The following TBCCD1 variants were observed in gnomAD, a reference collection of about 807,000 sequenced individuals.
TBCCD1 encodes TBCC domain containing 1.
A neutral mutation model predicts 53.4 loss-of-function variants in TBCCD1; 26 were observed. That is an observed-to-expected ratio of 0.49 (90% CI 0.36 to 0.68). TBCCD1 has a LOEUF of 0.68. Among genes scored for constraint, TBCCD1 ranks in the 30% least tolerant of loss-of-function variants. The probability of loss-of-function intolerance (pLI) is 0.00; values close to 1 mark genes in which losing one functional copy is unlikely to be tolerated. For synonymous variants in TBCCD1, 245 were observed against 241.7 expected, an observed-to-expected ratio of 1.01 and a Z score of -0.13; for missense variants, 558 against 669.5, an observed-to-expected ratio of 0.83 and a Z score of 1.84.
chr3:186,548,471 T>C (rs1714275638), intron 7 of TBCCD1, among the ~76,000 whole-genome samples: 1 of 152,234 alleles, frequency 6.6e-6, no homozygotes, highest in Non-Finnish European at 1.5e-5. Flanking sequence ...CTTCTGAATA[T>C]ACTTAAAAGC....
Position 186,556,540 on chromosome 3 carries a change from C to A in TBCCD1, c.728G>T (p.Gly243Val), listed in dbSNP as rs144614900. The A allele has an allele frequency of 4.0e-5, 64 of 1,613,500 alleles. No individual in the cohort carries two copies. Among genetic ancestry groups the A allele is most frequent in the Non-Finnish European group, 5.3e-5 (62 of 1,179,918 alleles). The stretch of plus-strand genomic sequence containing the variant: ...GAAAGTCTTAGAGATCTTTGAGAAG[C>A]CACTATCTGCATGCAGTGGTTGCCA... ...ALWQPLHADS[G>V]FSKISKTFSF... Residue 243 changes from glycine (G) to valine (V), a missense_variant, in exon 4 of 8, where the codon GGC (glycine) becomes GTC (valine). Gly to Val is a moderately radical substitution (Grantham distance 109). Transcript: ENST00000338733.
chr3:186,563,933 A>AT (rs1228531860), intron 2 of TBCCD1, 61 bp downstream of exon 2: 1 of 1,488,086 alleles, frequency 6.7e-7, no homozygotes, highest in Non-Finnish European at 8.9e-7. Context: ...ACATTTTTTA[A>AT]TTTAAAAAAG....
At chr3:186,564,629 T>C (rs1405933942) in intron 1 of TBCCD1, among the ~76,000 whole-genome samples, 7 of 152,162 alleles carry the variant, frequency 4.6e-5, no homozygotes, top group African/African-American at 1.7e-4. Flanking sequence ...TGTGTGTAGA[T>C]GCATGAAGTC....
At chr3:186,556,084 T>C (rs1560225917) in intron 4 of TBCCD1, among the ~76,000 whole-genome samples, 1 of 152,204 alleles carries the variant, frequency 6.6e-6, no homozygotes, top group Non-Finnish European at 1.5e-5. Flanking sequence ...ATTATTCTTC[T>C]TCTTTTAAAA....
rs367607995 is a variant in TBCCD1 at position 186,564,142 on chromosome 3, C to T, written c.188G>A (p.Gly63Glu). The T allele has an allele frequency of 1.5e-5, 24 of 1,614,186 alleles. No individual in the cohort carries two copies. The East Asian group carries it at 4.2e-4, about 28-fold the overall frequency. ...CAGGTCCTTGGCCAACTGCAGCTTC[C>T]CACAAGCGATGTGCCTCCATGTAGA... is the stretch of plus-strand genomic sequence containing the variant. ...YWSTWRHIAC[G>E]KLQLAKDLAW... Residue 63 changes from glycine to glutamate, a missense_variant, in exon 2 of 8, where the codon GGG becomes GAG. By Grantham distance (98) the Gly-to-Glu change is moderately conservative. Transcript: ENST00000338733.
At chr3:186,556,306 T>C in intron 4 of TBCCD1, 103 bp downstream of exon 4, 2 of 1,348,490 alleles carry the variant, frequency 1.5e-6, no homozygotes, top group African/African-American at 1.5e-5. Context: ...AGCAGTATTT[T>C]TTAGGTCTTC....
At chr3:186,551,416 T>C in intron 6 of TBCCD1, 137 bp from the exon 7 acceptor site, 4 of 902,226 alleles carry the variant, frequency 4.4e-6, no homozygotes, top group Non-Finnish European at 6.6e-6. Flanking sequence ...TTCTCACTGT[T>C]CAGAGTACAC....
chr3:186,551,683 A>G (rs1714386309), intron 6 of TBCCD1, among the ~76,000 whole-genome samples: 1 of 152,238 alleles, frequency 6.6e-6, no homozygotes, highest in Non-Finnish European at 1.5e-5. Context: ...AGGTAAAAAT[A>G]AAATAAATAG....
At chr3:186,558,596 T>C (rs1056928552) in intron 2 of TBCCD1, 24 bp from the exon 3 acceptor site, 4 of 1,608,334 alleles carry the variant, frequency 2.5e-6, no homozygotes, top group Non-Finnish European at 3.4e-6. Flanking sequence ...AAATAAAAGA[T>C]GAATAGACGT....
intron 3 of TBCCD1, 79 bp downstream of exon 3, chr3:186,558,337 AT>A (rs1456927387): frequency 5.3e-6 from 8 of 1,498,514 alleles, no homozygotes; most frequent in Non-Finnish European, 7.2e-6. Flanking sequence ...AAGAAATCTC[AT>A]CATAATTTTT....
Position 186,564,384 on chromosome 3 carries a change from A to T in TBCCD1, c.-43-12T>A. ...GCTTCTTTGCATACCTAGGAAACAA[A>T]GTTTCTTCATAAACTGATTTGAAAC... On this transcript the variant is annotated splice_polypyrimidine_tract_variant and intron_variant, in intron 1 of 7. Transcript: ENST00000338733. The T allele has an allele frequency of 6.7e-7, 1 of 1,493,788 alleles. No homozygotes were observed. The highest frequency in any genetic ancestry group is 1.4e-5 in the African/African-American group (1 of 71,322). The allele number at this position is 1,493,788 out of a possible 1,614,324, so 92.5% of individuals were successfully genotyped here.
At chr3:186,553,788 C>A (rs1714443478) in intron 6 of TBCCD1, among the ~76,000 whole-genome samples, 1 of 152,198 alleles carries the variant, frequency 6.6e-6, no homozygotes. Flanking sequence ...CCACTCCCAT[C>A]CCCAACCTAA....
intron 1 of TBCCD1, among the ~76,000 whole-genome samples, chr3:186,565,627 G>C (rs559883468): frequency 6.6e-6 from 1 of 152,260 alleles, no homozygotes; most frequent in South Asian, 2.1e-4. Flanking sequence ...TATTGAAGTG[G>C]GGTAATGGGT....
At chr3:186,553,199 C>T (rs1714428355) in intron 6 of TBCCD1, 1 of 152,184 alleles carries the variant, frequency 6.6e-6, no homozygotes, top group Non-Finnish European at 1.5e-5. Flanking sequence ...TAAGTGCTTA[C>T]ATCCCACAGT....
Position 186,551,263 on chromosome 3 carries a change from A to T in TBCCD1, c.1561T>A (p.Phe521Ile), listed in dbSNP as rs575140240. The part of the protein sequence containing the change: ...AHLTKDQRKQ[F>I]QVLVENKFYE... The stretch of plus-strand genomic sequence containing the variant: ...AACTTGTTCTCTACCAGTACCTGGA[A>T]CTGCTTCCTTTGATCCCTAAAATTG... The change falls in exon 7 of 8, where the codon TTC becomes ATC. Residue 521 changes from phenylalanine (F) to isoleucine (I), a missense_variant. Physicochemically the swap from Phe to Ile is conservative, Grantham distance 21 (BLOSUM62 0). Coordinates refer to ENST00000338733, the MANE Select transcript of TBCCD1 (RefSeq NM_018138.5). 5.0e-6 allele frequency: 8 copies of T among 1,613,142 alleles called. No individual in the cohort carries two copies. The highest frequency in any genetic ancestry group is 6.8e-6 in the Non-Finnish European group (8 of 1,179,732).
upstream of TBCCD1, among the ~76,000 whole-genome samples, chr3:186,569,113 T>C (rs1041893708): frequency 6.6e-6 from 1 of 151,812 alleles, no homozygotes; most frequent in African/African-American, 2.4e-5. Flanking sequence ...ACAAAGGCCC[T>C]CGGCAGGAAT....
intron 7 of TBCCD1, among the ~76,000 whole-genome samples, chr3:186,550,531 A>C (rs1331732420): frequency 1.3e-5 from 2 of 151,706 alleles, no homozygotes; most frequent in Non-Finnish European, 2.9e-5. Flanking sequence ...AGCTGCAGTG[A>C]GCTGAGATGG....
intron 7 of TBCCD1, among the ~76,000 whole-genome samples, chr3:186,547,191 T>G (rs1714238719): frequency 6.6e-6 from 1 of 152,034 alleles, no homozygotes; most frequent in African/African-American, 2.4e-5. Flanking sequence ...GCAGTGAAGA[T>G]TAAACAAAAT....
At chr3:186,558,382 C>G in intron 3 of TBCCD1, 35 bp downstream of exon 3, 1 of 1,580,114 alleles carries the variant, frequency 6.3e-7, no homozygotes, top group Non-Finnish European at 8.6e-7. Context: ...ACAAATTGTC[C>G]CTTTTAGAGA....
Sources: gnomAD v4.1 joint callset for allele counts (sites outside exome capture counted in the v4.1 genomes callset) on GRCh38, gnomAD v4.1.1 for gene constraint, MANE v1.5 for transcripts, NCBI Gene and HGNC (gene_info 2026-07-23, HGNC 2026-07-21) for gene names.